YPEL1: variants seen among roughly 807,000 people sequenced by gnomAD.
YPEL1 encodes the protein yippee like 1.
A neutral mutation model predicts 17.3 loss-of-function variants in YPEL1; 7 were observed. The observed-to-expected ratio is 0.40, with a 90% CI of 0.23 to 0.76. The LOEUF (loss-of-function observed/expected upper bound fraction) is 0.76, where lower values mean the gene tolerates loss of function less well. YPEL1 is among the 30% of genes least tolerant of loss of function. YPEL1 has a pLI of 0.35. For synonymous variants in YPEL1, 59 were observed against 59.6 expected, an observed-to-expected ratio of 0.99 and a Z score of 0.05; for missense variants, 91 against 155.5, an observed-to-expected ratio of 0.59 and a Z score of 2.21.
intron 1 of YPEL1, among the ~76,000 whole-genome samples, chr22:21,726,436 C>T (rs2068336111): frequency 1.3e-5 from 2 of 152,170 alleles, no homozygotes; most frequent in South Asian, 4.1e-4. Flanking sequence ...TGCCCGCTAG[C>T]GGCCACCACA....
Position 21,703,573 on chromosome 22 carries a change from T to C in YPEL1, c.162-95A>G. 1 of 1,192,116 alleles carries C rather than the reference T, an allele frequency of 8.4e-7. No individual in the cohort carries two copies. Among genetic ancestry groups the C allele is most frequent in the South Asian group, 1.3e-5 (1 of 79,300 alleles). The allele number at this position is 1,192,116 out of a possible 1,614,324, so 73.8% of individuals were successfully genotyped here. On this transcript the variant is annotated intron_variant, in intron 3 of 4. Transcript: ENST00000339468. This position sits in a 1 kb window ranked among gnomAD's most constrained non-coding sequence, Gnocchi z 6.1. The stretch of plus-strand genomic sequence containing the variant: ...GGCCCCACCCCATCCTCCTAAGAGT[T>C]CCCCCAAAACAGGGAAACTCCCAGA...
chr22:21,719,915 G>A (rs11914195), intron 1 of YPEL1, among the ~76,000 whole-genome samples: 1 of 151,868 alleles, frequency 6.6e-6, no homozygotes, highest in African/African-American at 2.4e-5. Context: ...AGGAGGCTGA[G>A]GTGGGAGAAT....
intron 1 of YPEL1, among the ~76,000 whole-genome samples, chr22:21,726,807 T>G (rs2068340277): frequency 6.6e-6 from 1 of 152,144 alleles, no homozygotes; most frequent in Non-Finnish European, 1.5e-5. Flanking sequence ...GGCAGACAGA[T>G]GCAGCGACAA....
At chr22:21,721,726 A>G (rs1167663963) in intron 1 of YPEL1, among the ~76,000 whole-genome samples, 3 of 152,142 alleles carry the variant, frequency 2.0e-5, no homozygotes, top group Non-Finnish European at 4.4e-5. Flanking sequence ...GCCCGGCCCA[A>G]CATTTTTTTT....
chr22:21,708,193 C>T (rs138088415), intron 2 of YPEL1, among the ~76,000 whole-genome samples: 1 of 152,130 alleles, frequency 6.6e-6, no homozygotes, highest in East Asian at 1.9e-4. Context: ...CTTGCCACCT[C>T]GCCCGGCCCA....
intron 1 of YPEL1, among the ~76,000 whole-genome samples, chr22:21,729,550 A>G (rs1455058514): frequency 1.3e-5 from 2 of 151,236 alleles, no homozygotes; most frequent in Non-Finnish European, 3.0e-5. Context: ...GCTGTGAGCC[A>G]TGATCACACC....
At chr22:21,733,572 C>A (rs55932124) in intron 1 of YPEL1, among the ~76,000 whole-genome samples, 3,000 of 151,318 alleles carry the variant, frequency 0.02, 102 homozygotes, top group African/African-American at 0.068. Context: ...ACAGAAAAAT[C>A]AAAAAATTAG....
intron 1 of YPEL1, among the ~76,000 whole-genome samples, chr22:21,721,899 C>T (rs1219416763): frequency 3.9e-5 from 6 of 152,178 alleles, no homozygotes; most frequent in Non-Finnish European, 7.3e-5. Flanking sequence ...AAGCCCCTGG[C>T]AGCTACCATC....
At chr22:21,720,264 A>G (rs183115613) in intron 1 of YPEL1, among the ~76,000 whole-genome samples, 67 of 150,284 alleles carry the variant, frequency 4.5e-4, no homozygotes, top group Non-Finnish European at 7.4e-4. Context: ...GTGCAGTGGC[A>G]TGGTCACACA....
chr22:21,726,790 G>A (rs900729661), intron 1 of YPEL1, among the ~76,000 whole-genome samples: 20 of 152,144 alleles, frequency 1.3e-4, no homozygotes, highest in African/African-American at 3.6e-4. Flanking sequence ...GAGCCTCCCA[G>A]CTGTGAGGCA....
In YPEL1 at chr22:21,716,474, C is replaced by G. The variant is rs1387670237; in HGVS notation, c.-164-5566G>C. Among the ~76,000 whole-genome samples the G allele has an allele frequency of 2.6e-5, 4 of 152,302 alleles. No individual in the cohort carries two copies. The South Asian group carries it at 6.2e-4, about 24-fold the overall frequency. ...AAACATCTGCCCCCATCCAGCCACC[C>G]CGGGCTTCCGATGAGAACTCTAAGG... On this transcript the variant is annotated intron_variant, in intron 1 of 4. Coordinates refer to ENST00000339468, the MANE Select transcript of YPEL1 (RefSeq NM_013313.5).
intron 1 of YPEL1, among the ~76,000 whole-genome samples, chr22:21,718,333 T>C (rs1020223328): frequency 2.0e-5 from 3 of 151,172 alleles, no homozygotes; most frequent in African/African-American, 4.9e-5. Context: ...GGCGTGGTGG[T>C]GGGCACCTGT....
intron 1 of YPEL1, among the ~76,000 whole-genome samples, chr22:21,733,489 T>G (rs1204079696): frequency 2.0e-5 from 3 of 151,902 alleles, no homozygotes; most frequent in African/African-American, 7.3e-5. Flanking sequence ...ATCTCAGCAC[T>G]TTGGGAGGCA....
At chr22:21,731,495 C>G (rs1236510119) in intron 1 of YPEL1, among the ~76,000 whole-genome samples, 1 of 146,608 alleles carries the variant, frequency 6.8e-6, no homozygotes, top group Non-Finnish European at 1.5e-5. Flanking sequence ...TAAATAAAGT[C>G]TCATCAGACA....
At chr22:21,717,839 G>A (rs1259361252) in intron 1 of YPEL1, among the ~76,000 whole-genome samples, 1 of 152,126 alleles carries the variant, frequency 6.6e-6, no homozygotes, top group East Asian at 1.9e-4. Flanking sequence ...CAAGAAGTGG[G>A]GCAAAGGCTG....
intron 1 of YPEL1, among the ~76,000 whole-genome samples, chr22:21,718,138 A>C (rs556976937): frequency 1.7e-3 from 263 of 150,828 alleles, no homozygotes; most frequent in African/African-American, 5.2e-3. Context: ...CAAAAAAAAA[A>C]AAAAACAAAA....
In YPEL1 at chr22:21,735,760, G is replaced by C. The variant is rs902712053; in HGVS notation, c.-310C>G. On this transcript the variant is annotated 5_prime_UTR_variant, in exon 1 of 5. Transcript: ENST00000339468. Reference sequence around the variant, plus strand: ...TAGGCAGGGCGCGAGGCATCCTCCCGCCGCCGCCCCGCGGGCCGCCTGCCC... The same window carrying C: ...TAGGCAGGGCGCGAGGCATCCTCCCCCCGCCGCCCCGCGGGCCGCCTGCCC... 1 of 150,726 alleles carries C rather than the reference G, an allele frequency of 6.6e-6. No individual in the cohort carries two copies. Among genetic ancestry groups the C allele is most frequent in the East Asian group, 1.9e-4 (1 of 5,160 alleles). The allele number at this position is 150,726 out of a possible 1,614,324, so 9.3% of individuals were successfully genotyped here.
chr22:21,725,116 C>T (rs2068321905), intron 1 of YPEL1, among the ~76,000 whole-genome samples: 1 of 151,654 alleles, frequency 6.6e-6, no homozygotes. Flanking sequence ...ACCATGTTGT[C>T]CAGGCTGGTC....
At chr22:21,713,324 C>A (rs574519792) in intron 1 of YPEL1, among the ~76,000 whole-genome samples, 2 of 152,260 alleles carry the variant, frequency 1.3e-5, no homozygotes, top group Non-Finnish European at 2.9e-5. Flanking sequence ...ATGCTCACAG[C>A]GACATTATCC....
Sources: allele counts gnomAD v4.1 joint callset (sites outside exome capture counted in the v4.1 genomes callset), GRCh38; gene constraint gnomAD v4.1.1; non-coding constraint Gnocchi (gnomAD v3.1); transcripts MANE v1.5; gene names NCBI Gene and HGNC (gene_info 2026-07-23, HGNC 2026-07-21).